FSTL5: variants seen among roughly 807,000 people sequenced by gnomAD.
FSTL5 encodes follistatin like 5.
FSTL5 carries 62 observed loss-of-function variants against 89.1 expected under a neutral mutation model. The observed-to-expected ratio is 0.70, with a 90% CI of 0.57 to 0.86. FSTL5 has a LOEUF of 0.86. Among genes scored for constraint, FSTL5 ranks in the 40% least tolerant of loss-of-function variants. The probability of loss-of-function intolerance (pLI) is 0.00; values close to 1 mark genes in which losing one functional copy is unlikely to be tolerated. For missense variants in FSTL5, 1,057 were observed against 1,001.6 expected (o/e 1.06, Z -0.75); for synonymous variants, 383 against 346.2 (o/e 1.11, Z -1.18).
intron 1 of FSTL5, among the ~76,000 whole-genome samples, chr4:162,141,282 A>T (rs1312234357): frequency 2.2e-5 from 2 of 89,484 alleles, no homozygotes; most frequent in African/African-American, 7.4e-5. Flanking sequence ...ATGCCCGGCT[A>T]ATTTTTGTAT....
chr4:161,542,970 C>G (rs1731883579), intron 8 of FSTL5, among the ~76,000 whole-genome samples: 1 of 151,504 alleles, frequency 6.6e-6, no homozygotes, highest in African/African-American at 2.4e-5. Context: ...ATGAGGCATA[C>G]CAAAAGGATA....
intron 15 of FSTL5, among the ~76,000 whole-genome samples, chr4:161,407,915 C>G: frequency 6.6e-6 from 1 of 152,160 alleles, no homozygotes; most frequent in East Asian, 1.9e-4. Context: ...CCCGAGCAAC[C>G]AGAGTGGGTA....
At position 161,484,934 on chromosome 4, in the gene FSTL5, C is replaced by T. The variant is rs537598154; in HGVS notation, c.1459-3765G>A. On this transcript the variant is annotated intron_variant, in intron 12 of 15. Coordinates refer to ENST00000306100, the MANE Select transcript of FSTL5 (RefSeq NM_020116.5). ...CCCCAGGCCAAATTTGGCCCACTGC[C>T]TAATTTGATATGATCCAGAAACTAG... is the stretch of plus-strand genomic sequence containing the variant. Among the ~76,000 whole-genome samples the T allele has an allele frequency of 5.3e-5, 8 of 152,154 alleles. 1 individual carries two copies. In the East Asian group the frequency reaches 1.4e-3, roughly 26 times the overall value.
At chr4:161,998,647 T>G (rs952091821) in intron 3 of FSTL5, among the ~76,000 whole-genome samples, 1 of 152,298 alleles carries the variant, frequency 6.6e-6, no homozygotes, top group East Asian at 1.9e-4. Flanking sequence ...TCTCTTACAA[T>G]ATGTATTCAA....
rs577352597 is a variant in FSTL5, at chr4:161,652,646, TA to T, written c.894+3681del. 6.0e-3 allele frequency among the ~76,000 whole-genome samples: 914 copies of T among 152,082 alleles called. 9 individuals carry two copies. The highest frequency in any genetic ancestry group is 0.045 in the South Asian group (219 of 4,818). ...ATTTCTTCTGCATTCAAGAATTAAA[TA>T]AAAATATATTTTAATTAAATATAGC... On this transcript the variant is annotated intron_variant, in intron 7 of 15. Coordinates refer to ENST00000306100, the MANE Select transcript of FSTL5 (RefSeq NM_020116.5).
At chr4:161,608,499 ATCT>A (rs1734530014) in intron 7 of FSTL5, among the ~76,000 whole-genome samples, 2 of 152,188 alleles carry the variant, frequency 1.3e-5, no homozygotes, top group Admixed American at 6.5e-5. Context: ...AGGCTCAGAA[ATCT>A]TCTTTGTTAA....
intron 4 of FSTL5, among the ~76,000 whole-genome samples, chr4:161,919,388 T>C (rs907806616): frequency 2.0e-5 from 3 of 152,200 alleles, no homozygotes; most frequent in African/African-American, 7.2e-5. Context: ...TGAAAAGCTC[T>C]ACATGTCATT....
In FSTL5 at chr4:161,384,187, G is replaced by A. The variant is rs1730533513; in HGVS notation, c.*1560C>T. ...AGCTCAGGATGCTATATACACATAA[G>A]ATATTACACACTATAAAATTTCAGG... On this transcript the variant is annotated 3_prime_UTR_variant, in exon 16 of 16. Transcript: ENST00000306100. 6.6e-6 allele frequency: 1 copy of A among 152,064 alleles called. No individual in the cohort carries two copies. Among genetic ancestry groups the A allele is most frequent in the African/African-American group, 2.4e-5 (1 of 41,414 alleles). 9.4% of individuals were successfully genotyped at this position (152,064 alleles called of 1,614,324 possible).
intron 1 of FSTL5, among the ~76,000 whole-genome samples, chr4:162,120,244 T>A (rs1731798533): frequency 6.6e-6 from 1 of 152,082 alleles, no homozygotes; most frequent in African/African-American, 2.4e-5. Flanking sequence ...GAGAAAGTAT[T>A]CACTCTTAGT....
chr4:161,877,045 G>A (rs1339748094), intron 4 of FSTL5, among the ~76,000 whole-genome samples: 6 of 151,798 alleles, frequency 4.0e-5, no homozygotes, highest in East Asian at 3.9e-4. Context: ...TTAGCCAGAC[G>A]TGGTGGCGCA....
At chr4:161,468,334 C>T (rs533388984) in intron 13 of FSTL5, among the ~76,000 whole-genome samples, 1 of 150,908 alleles carries the variant, frequency 6.6e-6, no homozygotes, top group Non-Finnish European at 1.5e-5. Flanking sequence ...GAAAGTGAGG[C>T]AATAAGGCTG....
chr4:161,835,402 T>C (rs1405893792), intron 4 of FSTL5, among the ~76,000 whole-genome samples: 8 of 152,028 alleles, frequency 5.3e-5, no homozygotes, highest in Non-Finnish European at 1.2e-4. Flanking sequence ...GGCAAGGACT[T>C]CATGTCCAAA....
At chr4:161,632,563 T>TA (rs1735538737) in intron 7 of FSTL5, among the ~76,000 whole-genome samples, 1 of 152,220 alleles carries the variant, frequency 6.6e-6, no homozygotes. Flanking sequence ...AATGCAATTG[T>TA]ATTCTATTGA....
At chr4:161,902,011 A>G (rs1733380946) in intron 4 of FSTL5, among the ~76,000 whole-genome samples, 1 of 152,132 alleles carries the variant, frequency 6.6e-6, no homozygotes, top group African/African-American at 2.4e-5. Context: ...TACATGTGGA[A>G]CATTTTAGTT....
intron 15 of FSTL5, among the ~76,000 whole-genome samples, chr4:161,450,581 A>G (rs62326377): frequency 0.084 from 12,797 of 152,238 alleles, 679 homozygotes; most frequent in Non-Finnish European, 0.12. Context: ...AATTTAATAT[A>G]ACAACTGAGT....
At chr4:161,861,812 A>G (rs1731926111) in intron 4 of FSTL5, among the ~76,000 whole-genome samples, 1 of 152,242 alleles carries the variant, frequency 6.6e-6, no homozygotes, top group Non-Finnish European at 1.5e-5. Context: ...AAGAAAATAT[A>G]TAAATACATA....
At chr4:161,895,012 G>C (rs1733110240) in intron 4 of FSTL5, among the ~76,000 whole-genome samples, 1 of 152,106 alleles carries the variant, frequency 6.6e-6, no homozygotes, top group Admixed American at 6.5e-5. Context: ...CTGTGCTTTG[G>C]GAGTTACATT....
intron 2 of FSTL5, among the ~76,000 whole-genome samples, chr4:162,081,671 G>A (rs1333704881): frequency 6.6e-6 from 1 of 151,374 alleles, no homozygotes; most frequent in East Asian, 1.9e-4. Context: ...ACACCTTAGA[G>A]TTAATAAAAT....
chr4:161,447,299 A>C (rs1732978581), intron 15 of FSTL5, among the ~76,000 whole-genome samples: 1 of 152,064 alleles, frequency 6.6e-6, no homozygotes, highest in South Asian at 2.1e-4. Flanking sequence ...TTTTTAAAAT[A>C]ATTACATATA....
Sources: gnomAD v4.1 joint callset for allele counts (sites outside exome capture counted in the v4.1 genomes callset) on GRCh38, gnomAD v4.1.1 for gene constraint, MANE v1.5 for transcripts, NCBI Gene and HGNC (gene_info 2026-07-23, HGNC 2026-07-21) for gene names.